The following SPAM1 variants were observed in gnomAD, a reference collection of about 807,000 sequenced individuals.
SPAM1 encodes the protein hyaluronidase PH-20.
A neutral mutation model predicts 29.6 loss-of-function variants in SPAM1; 22 were observed. The ratio of observed to expected loss-of-function variants is 0.74; its 90% CI spans 0.53 to 1.06. The LOEUF (loss-of-function observed/expected upper bound fraction) is 1.06, where lower values mean the gene tolerates loss of function less well. Ranked by LOEUF, SPAM1 falls within the 50% of genes least tolerant of loss-of-function variation. SPAM1 has a pLI of 0.00. For synonymous variants in SPAM1, 194 were observed against 204.6 expected (o/e 0.95, Z 0.44); for missense variants, 534 against 604.0 (o/e 0.88, Z 1.21).
chr7:123,954,069 A>T lies in SPAM1; in HGVS notation c.499A>T (p.Arg167Trp). The T allele has an allele frequency of 6.2e-7, 1 of 1,613,458 alleles. No individual in the cohort carries two copies. Among genetic ancestry groups the T allele is most frequent in the Non-Finnish European group, 8.5e-7 (1 of 1,179,720 alleles). Residue 167 changes from arginine to tryptophan, a missense_variant, in exon 3 of 5, where the codon AGG becomes TGG. Physicochemically the swap from Arg to Trp is moderately radical, Grantham distance 101. Coordinates refer to ENST00000682466, the MANE Select transcript of SPAM1 (RefSeq NM_153189.3). Reference sequence around the variant, plus strand: ...GAAACCTAAAGATGTTTACAAGAATAGGTCTATTGAATTGGTTCAGCAACA... The same window carrying T: ...GAAACCTAAAGATGTTTACAAGAATTGGTCTATTGAATTGGTTCAGCAACA... ...NWKPKDVYKN[R>W]SIELVQQQNV... is the part of the protein sequence containing the mutation.
At chr7:123,963,923 G>C (rs1792390882), downstream of SPAM1, among the ~76,000 whole-genome samples, 1 of 151,802 alleles carries the variant, frequency 6.6e-6, no homozygotes. Flanking sequence ...AATGGTAGGT[G>C]CTCAATACAT....
intron 4 of SPAM1, among the ~76,000 whole-genome samples, chr7:123,955,473 AG>A (rs2117063729): frequency 6.6e-6 from 1 of 152,044 alleles, no homozygotes; most frequent in African/African-American, 2.4e-5. Flanking sequence ...TTGACTCAAT[AG>A]GAAAGCTGTT....
At chr7:123,964,372 A>G (rs1408072817), downstream of SPAM1, among the ~76,000 whole-genome samples, 1 of 151,970 alleles carries the variant, frequency 6.6e-6, no homozygotes, top group Non-Finnish European at 1.5e-5. Flanking sequence ...TATGTATCAC[A>G]TATCACTTCT....
chr7:123,970,101 G>C (rs1792478239), intron 5 of SPAM1: 1 of 1,291,224 alleles, frequency 7.7e-7, no homozygotes, highest in East Asian at 2.6e-5. Context: ...TATTTATTCT[G>C]TATATCTCCA....
chr7:123,969,196 C>G (rs1405785700), intron 5 of SPAM1, among the ~76,000 whole-genome samples: 1 of 151,932 alleles, frequency 6.6e-6, no homozygotes, highest in Non-Finnish European at 1.5e-5. Context: ...TAGTCCCTAG[C>G]CAGATGAACT....
At chr7:123,941,231 T>C (rs1469214598) in intron 1 of SPAM1, among the ~76,000 whole-genome samples, 1 of 152,258 alleles carries the variant, frequency 6.6e-6, no homozygotes, top group Non-Finnish European at 1.5e-5. Flanking sequence ...TTTATTTTGC[T>C]AAGGCTATGG....
At chr7:123,931,020 C>A (rs1054697251) in intron 1 of SPAM1, among the ~76,000 whole-genome samples, 2 of 152,102 alleles carry the variant, frequency 1.3e-5, no homozygotes, top group African/African-American at 4.8e-5. Context: ...TAAGTCACTA[C>A]TCTCAACTGC....
At chr7:123,952,365 T>C (rs560609918) in intron 2 of SPAM1, among the ~76,000 whole-genome samples, 8 of 152,266 alleles carry the variant, frequency 5.3e-5, no homozygotes, top group South Asian at 2.1e-4. Flanking sequence ...CTGGGAAGAA[T>C]AGTATAATTC....
At chr7:123,955,749 T>A (rs1792235813) in intron 4 of SPAM1, among the ~76,000 whole-genome samples, 1 of 152,054 alleles carries the variant, frequency 6.6e-6, no homozygotes, top group African/African-American at 2.4e-5. Flanking sequence ...GAGAATTTTT[T>A]AAGGTAATCT....
At chr7:123,959,231 G>C (rs557171326) in intron 4 of SPAM1, among the ~76,000 whole-genome samples, 1 of 152,142 alleles carries the variant, frequency 6.6e-6, no homozygotes, top group Admixed American at 6.5e-5. Flanking sequence ...TACAGAGGAC[G>C]AGCAAGGGTA....
rs1227751590 is a variant in SPAM1 at position 123,959,613 on chromosome 7, T to A, written c.1174T>A (p.Trp392Arg). Residue 392 changes from tryptophan (W) to arginine (R), a missense_variant, in exon 5 of 5, where the codon TGG becomes AGG. Trp to Arg is a moderately radical substitution (Grantham distance 101). Coordinates refer to ENST00000682466, the MANE Select transcript of SPAM1 (RefSeq NM_153189.3). ...GCAAGGAGTGTGTATAAGGAAAAAC[T>A]GGAATTCAAGTGACTATCTTCACCT... ...QEQGVCIRKN[W>R]NSSDYLHLNP... is the part of the protein sequence containing the mutation. 1.2e-6 allele frequency: 2 copies of A among 1,613,180 alleles called. No individual in the cohort carries two copies. The highest frequency in any genetic ancestry group is 1.3e-5 in the African/African-American group (1 of 74,856).
chr7:123,945,912 T>G (rs1808564119), intron 1 of SPAM1, among the ~76,000 whole-genome samples: 1 of 152,070 alleles, frequency 6.6e-6, no homozygotes, highest in African/African-American at 2.4e-5. Context: ...CAGGTAGAGT[T>G]GGTCAACTCT....
intron 1 of SPAM1, among the ~76,000 whole-genome samples, chr7:123,942,898 T>C (rs890713090): frequency 6.6e-6 from 1 of 152,198 alleles, no homozygotes; most frequent in African/African-American, 2.4e-5. Flanking sequence ...TCTACAATTA[T>C]GTCCTGTTAC....
chr7:123,946,362 G>A (rs1808575726), intron 1 of SPAM1, among the ~76,000 whole-genome samples: 1 of 152,166 alleles, frequency 6.6e-6, no homozygotes, highest in Non-Finnish European at 1.5e-5. Context: ...GGCCATAGAA[G>A]CTCAAGCTGG....
downstream of SPAM1, among the ~76,000 whole-genome samples, chr7:123,963,704 C>A (rs1792388429): frequency 6.8e-6 from 1 of 147,864 alleles, no homozygotes; most frequent in Non-Finnish European, 1.5e-5. Context: ...AGTTCATGAG[C>A]CCAATTCAAA....
chr7:123,954,424 C>CT lies in SPAM1; in HGVS notation c.854_855insT (p.Ile286HisfsTer8). The CT allele has an allele frequency of 6.2e-7, 1 of 1,613,358 alleles. No individual in the cohort carries two copies. The highest frequency in any genetic ancestry group is 8.5e-7 in the Non-Finnish European group (1 of 1,179,630). ...TATGTGCGCAATCGAGTTCGGGAAG[C>CT]CATCAGAGTTTCCAAAATACCTGAT... is the stretch of plus-strand genomic sequence containing the variant. On this transcript the variant is annotated frameshift_variant, in exon 3 of 5. Transcript: ENST00000682466. LOFTEE classifies it high-confidence loss of function.
chr7:123,946,705 A>G (rs1808585642), intron 1 of SPAM1, among the ~76,000 whole-genome samples: 1 of 152,118 alleles, frequency 6.6e-6, no homozygotes, highest in Non-Finnish European at 1.5e-5. Context: ...GATAAGAGAC[A>G]AAAGGTTGCC....
chr7:123,931,290 A>G (rs1808070958), intron 1 of SPAM1, among the ~76,000 whole-genome samples: 1 of 152,014 alleles, frequency 6.6e-6, no homozygotes, highest in Non-Finnish European at 1.5e-5. Flanking sequence ...CCTTTTTTCC[A>G]AAAGTCAGCC....
At chr7:123,942,307 T>C (rs1563024801) in intron 1 of SPAM1, among the ~76,000 whole-genome samples, 1 of 152,128 alleles carries the variant, frequency 6.6e-6, no homozygotes, top group Non-Finnish European at 1.5e-5. Context: ...AATTGAAAAA[T>C]ATTCGGCAAG....
Sources: allele counts gnomAD v4.1 joint callset (sites outside exome capture counted in the v4.1 genomes callset), GRCh38; gene constraint gnomAD v4.1.1; transcripts MANE v1.5; gene names NCBI Gene and HGNC (gene_info 2026-07-23, HGNC 2026-07-21).